Variants in FLT3 observed in about 807,000 individuals in gnomAD.
FLT3 encodes receptor-type tyrosine-protein kinase FLT3.
A neutral mutation model predicts 126.6 loss-of-function variants in FLT3; 46 were observed. The ratio of observed to expected loss-of-function variants is 0.36; its 90% CI spans 0.29 to 0.46. The LOEUF (loss-of-function observed/expected upper bound fraction) is 0.46, where lower values mean the gene tolerates loss of function less well. Among genes scored for constraint, FLT3 ranks in the 20% least tolerant of loss-of-function variants. The pLI is 1.00. For synonymous variants in FLT3, 404 were observed against 434.4 expected, an observed-to-expected ratio of 0.93 and a Z score of 0.87; for missense variants, 1,069 against 1,190.3, an observed-to-expected ratio of 0.90 and a Z score of 1.50.
intron 20 of FLT3, among the ~76,000 whole-genome samples, chr13:28,016,395 C>G (rs949380753): frequency 6.6e-6 from 1 of 152,050 alleles, no homozygotes; most frequent in African/African-American, 2.4e-5. Flanking sequence ...CTCAGCCTCC[C>G]GAGTAGCTGG....
intron 1 of FLT3, among the ~76,000 whole-genome samples, chr13:28,094,167 ATG>A (rs1879302385): frequency 1.3e-5 from 2 of 152,342 alleles, no homozygotes; most frequent in African/African-American, 4.8e-5. Context: ...CGTTTCTTAA[ATG>A]TGTTTTTAGT....
At chr13:28,049,868 T>A in intron 6 of FLT3, 94 bp from the exon 7 acceptor site, 3 of 1,328,916 alleles carry the variant, frequency 2.3e-6, no homozygotes, top group Non-Finnish European at 3.1e-6. Flanking sequence ...GACTTTAGCA[T>A]CATCTCAAAT....
chr13:28,037,906 A>C (rs1873991673), intron 9 of FLT3, among the ~76,000 whole-genome samples: 1 of 152,170 alleles, frequency 6.6e-6, no homozygotes, highest in African/African-American at 2.4e-5. Context: ...CCTTAAGAGA[A>C]TCTAATCCCC....
chr13:28,047,484 G>T (rs1351761720), intron 9 of FLT3, among the ~76,000 whole-genome samples: 1 of 152,104 alleles, frequency 6.6e-6, no homozygotes, highest in South Asian at 2.1e-4. Flanking sequence ...CCCAGGTAGG[G>T]TGAATCTCCT....
chr13:28,093,227 CT>C (rs779080122), intron 1 of FLT3, among the ~76,000 whole-genome samples: 3,852 of 143,020 alleles, frequency 0.027, 107 homozygotes, highest in African/African-American at 0.074. Context: ...CACCTGGCCT[CT>C]TTTTTTTTTT....
rs35243277 is a variant in FLT3 at position 28,081,844 on chromosome 13, C to CTTTTTTTTTTT, written c.44-11243_44-11233dup. Among the ~76,000 whole-genome samples, 26 of 64,988 alleles carry CTTTTTTTTTTT rather than the reference C, an allele frequency of 4.0e-4. 5 individuals are homozygous for CTTTTTTTTTTT. Among genetic ancestry groups the CTTTTTTTTTTT allele is most frequent in the African/African-American group, 1.4e-3 (20 of 14,414 alleles). 42.6% of individuals were successfully genotyped at this position (64,988 alleles called of 152,430 possible). ...TTACTTTGATTTTTTTACTTTGATT[C>CTTTTTTTTTTT]TTTTTTTTTTTTTTTTTTTTTTTTT... On this transcript the variant is annotated intron_variant, in intron 1 of 23. Transcript: ENST00000241453.
At chr13:28,014,778 G>A (rs553135703) in intron 22 of FLT3, among the ~76,000 whole-genome samples, 1 of 152,192 alleles carries the variant, frequency 6.6e-6, no homozygotes, top group East Asian at 1.9e-4. Context: ...GGATAGAATC[G>A]AATGACCTTC....
intron 9 of FLT3, among the ~76,000 whole-genome samples, chr13:28,048,011 A>G (rs545394914): frequency 6.6e-6 from 1 of 152,178 alleles, no homozygotes; most frequent in Non-Finnish European, 1.5e-5. Context: ...GACTCAGAAA[A>G]TGCCAGAGAA....
intron 19 of FLT3, among the ~76,000 whole-genome samples, chr13:28,021,764 A>G (rs968443869): frequency 7.3e-5 from 11 of 149,736 alleles, no homozygotes; most frequent in African/African-American, 2.7e-4. Flanking sequence ...TTTTTTTGAG[A>G]CAGAGTCTCA....
chr13:28,077,775 C>T (rs1160979205), intron 1 of FLT3, among the ~76,000 whole-genome samples: 2 of 152,150 alleles, frequency 1.3e-5, no homozygotes, highest in Non-Finnish European at 2.9e-5. Context: ...TCCCTTCCAC[C>T]TATGAGCCTG....
intron 20 of FLT3, among the ~76,000 whole-genome samples, chr13:28,017,308 G>A (rs9554220): frequency 0.037 from 5,534 of 150,336 alleles, 208 homozygotes; most frequent in South Asian, 0.17. Context: ...CTGCAGCCTC[G>A]ACCTCCTGGG....
At chr13:28,073,951 A>G (rs9513024) in intron 1 of FLT3, among the ~76,000 whole-genome samples, 6 of 149,934 alleles carry the variant, frequency 4.0e-5, no homozygotes, top group Non-Finnish European at 5.9e-5. Flanking sequence ...AAAAAAAAAA[A>G]AAAAAGAAAA....
chr13:28,042,387 C>T (rs1874470749), intron 9 of FLT3, among the ~76,000 whole-genome samples: 1 of 151,720 alleles, frequency 6.6e-6, no homozygotes, highest in African/African-American at 2.4e-5. Context: ...ACAAATGGTA[C>T]CTTATTTCAT....
chr13:28,014,473 C>G lies in FLT3; in HGVS notation c.2838G>C (p.Gln946His), dbSNP rs781248096. ...ATACCGCTTCTTCTGCATCTGCCAGCTGACATCCTAAAAACGAAGTCAAAT... is the reference window on the plus strand; with the variant it reads ...ATACCGCTTCTTCTGCATCTGCCAGGTGACATCCTAAAAACGAAGTCAAAT... ...FPNLTSFLGCQLADAEEAMYQ... is the reference protein window; with the variant it reads ...FPNLTSFLGCHLADAEEAMYQ... Residue 946 changes from glutamine (Q) to histidine (H), a missense_variant, in exon 23 of 24, where the codon CAG becomes CAC. Gln to His is a conservative substitution (Grantham distance 24, BLOSUM62 0). Transcript: ENST00000241453. The G allele has an allele frequency of 6.2e-7, 1 of 1,613,450 alleles. No homozygotes were observed. Among genetic ancestry groups the G allele is most frequent in the Non-Finnish European group, 8.5e-7 (1 of 1,179,386 alleles).
At chr13:28,070,256 C>T (rs1446308388) in intron 2 of FLT3, among the ~76,000 whole-genome samples, 2 of 152,226 alleles carry the variant, frequency 1.3e-5, no homozygotes, top group Non-Finnish European at 2.9e-5. Flanking sequence ...CTCATTACTT[C>T]ATGCTAGTTA....
chr13:28,004,309 G>T, intron 23 of FLT3, 135 bp from the exon 24 acceptor site: 1 of 1,008,042 alleles, frequency 9.9e-7, no homozygotes, highest in Non-Finnish European at 1.4e-6. Context: ...TTTGTTGTTT[G>T]TTTGTTTATT....
At chr13:28,088,661 C>T (rs1368848749) in intron 1 of FLT3, among the ~76,000 whole-genome samples, 11 of 147,370 alleles carry the variant, frequency 7.5e-5, no homozygotes, top group Non-Finnish European at 1.5e-4. Context: ...TCTTGGCTCA[C>T]TGCAACCTCC....
chr13:28,003,934 G>T lies in FLT3; in HGVS notation c.*118C>A. ...GCAGACAGCTTCTAGAGAAAAGTCT[G>T]GTGAAGCAGCAGTTGATAATAGATT... On this transcript the variant is annotated 3_prime_UTR_variant, in exon 24 of 24. Transcript: ENST00000241453. The T allele has an allele frequency of 8.4e-7, 1 of 1,195,478 alleles. No individual in the cohort carries two copies. Among genetic ancestry groups the T allele is most frequent in the Non-Finnish European group, 1.2e-6 (1 of 830,054 alleles). The allele number at this position is 1,195,478 out of a possible 1,614,324, so 74.1% of individuals were successfully genotyped here. A position where few individuals can be genotyped will look rare whatever the true frequency, so the allele number is the denominator to read the frequency against.
At chr13:28,011,828 C>T (rs1871416631) in intron 23 of FLT3, among the ~76,000 whole-genome samples, 1 of 149,844 alleles carries the variant, frequency 6.7e-6, no homozygotes, top group East Asian at 2.0e-4. Flanking sequence ...GATAGAGTCT[C>T]ACTGTGTCAC....
Sources: gnomAD v4.1 joint callset for allele counts (sites outside exome capture counted in the v4.1 genomes callset) on GRCh38, gnomAD v4.1.1 for gene constraint, MANE v1.5 for transcripts, NCBI Gene and HGNC (gene_info 2026-07-23, HGNC 2026-07-21) for gene names.